QTMAN: variants seen among roughly 807,000 people sequenced by gnomAD.
The protein encoded by QTMAN is tRNA-queuosine alpha-mannosyltransferase.
chr2:144,252,242 A>T, the QTMAN span, among the ~76,000 whole-genome samples: 1 of 148,964 alleles, frequency 6.7e-6, no homozygotes, highest in East Asian at 1.9e-4. Context: ...AAGCACAATG[A>T]CACACACCTG....
chr2:144,221,695 C>G, the QTMAN span, among the ~76,000 whole-genome samples: 1 of 152,132 alleles, frequency 6.6e-6, no homozygotes, highest in African/African-American at 2.4e-5. Flanking sequence ...AACTACTTCC[C>G]AATTACTGAA....
the QTMAN span, among the ~76,000 whole-genome samples, chr2:144,147,439 A>G: frequency 1.3e-5 from 2 of 151,870 alleles, no homozygotes; most frequent in Admixed American, 1.3e-4. Context: ...AAACATGAAG[A>G]TATTTGTTTA....
chr2:144,292,831 C>T, the QTMAN span, among the ~76,000 whole-genome samples: 2 of 152,130 alleles, frequency 1.3e-5, no homozygotes, highest in East Asian at 3.9e-4. Flanking sequence ...ATAACAGGTC[C>T]TATCAATTCA....
At chr2:144,301,718 C>T in the QTMAN span, among the ~76,000 whole-genome samples, 7 of 152,292 alleles carry the variant, frequency 4.6e-5, no homozygotes, top group African/African-American at 1.7e-4. Context: ...TACCAATGCC[C>T]ACATGCTTTC....
At chr2:144,227,116 T>C in the QTMAN span, among the ~76,000 whole-genome samples, 1 of 152,194 alleles carries the variant, frequency 6.6e-6, no homozygotes, top group Non-Finnish European at 1.5e-5. Context: ...TTAATATGTC[T>C]TTAGCCATAT....
the QTMAN span, among the ~76,000 whole-genome samples, chr2:144,030,008 T>C: frequency 6.6e-6 from 1 of 152,308 alleles, no homozygotes; most frequent in East Asian, 1.9e-4. Flanking sequence ...ATGACATCTC[T>C]ATGAGGTTGA....
the QTMAN span, among the ~76,000 whole-genome samples, chr2:144,283,207 C>T: frequency 1.3e-5 from 2 of 152,216 alleles, no homozygotes; most frequent in Admixed American, 6.5e-5. Flanking sequence ...TAGCCTACTA[C>T]TTGAGATTGG....
the QTMAN span, among the ~76,000 whole-genome samples, chr2:144,292,161 G>A: frequency 7.9e-5 from 12 of 152,094 alleles, no homozygotes; most frequent in East Asian, 2.3e-3. Context: ...TACCTTCTAA[G>A]GCTGTCCACT....
At chr2:144,246,579 CAAAAA>C in the QTMAN span, among the ~76,000 whole-genome samples, 1 of 47,072 alleles carries the variant, frequency 2.1e-5, no homozygotes. Flanking sequence ...GACTCCGTCT[CAAAAA>C]AAAAAAAAAA....
chr2:144,032,461 T>C, the QTMAN span, among the ~76,000 whole-genome samples: 1 of 152,180 alleles, frequency 6.6e-6, no homozygotes, highest in Admixed American at 6.5e-5. Flanking sequence ...TTCCAAAGGA[T>C]AAAAGATTTG....
At chr2:144,235,826 T>G in the QTMAN span, 1 of 152,518 alleles carries the variant, frequency 6.6e-6, no homozygotes, top group Non-Finnish European at 1.5e-5. Context: ...CTGATTCGGA[T>G]GATCTAGTCT....
chr2:144,123,830 T>C, the QTMAN span, among the ~76,000 whole-genome samples: 2 of 152,140 alleles, frequency 1.3e-5, no homozygotes, highest in African/African-American at 4.8e-5. Flanking sequence ...GAAGATCTTT[T>C]ACACCCATTG....
the QTMAN span, among the ~76,000 whole-genome samples, chr2:144,132,043 A>T: frequency 6.6e-6 from 1 of 151,868 alleles, no homozygotes; most frequent in Non-Finnish European, 1.5e-5. Flanking sequence ...CTGAATATTC[A>T]GGTGAATATA....
chr2:144,091,942 A>G, the QTMAN span, among the ~76,000 whole-genome samples: 2 of 152,184 alleles, frequency 1.3e-5, no homozygotes, highest in African/African-American at 4.8e-5. Flanking sequence ...AGTGCATACT[A>G]TATGTTTTTG....
the QTMAN span, among the ~76,000 whole-genome samples, chr2:144,308,752 A>T: frequency 3.3e-5 from 5 of 152,182 alleles, no homozygotes; most frequent in Non-Finnish European, 4.4e-5. Flanking sequence ...CTTCATTTCA[A>T]AAAAACAACA....
chr2:143,964,771 T>C, the QTMAN span, among the ~76,000 whole-genome samples: 2 of 152,114 alleles, frequency 1.3e-5, no homozygotes, highest in African/African-American at 2.4e-5. Context: ...AACCAGAAGC[T>C]TTCCATATAC....
the QTMAN span, chr2:144,142,186 A>T: frequency 1.8e-6 from 1 of 554,580 alleles, no homozygotes; most frequent in Non-Finnish European, 3.1e-6. Context: ...TCTTCACTTC[A>T]TATCAGTATC....
At chr2:144,296,070 A>G in the QTMAN span, among the ~76,000 whole-genome samples, 3 of 152,256 alleles carry the variant, frequency 2.0e-5, no homozygotes, top group African/African-American at 7.2e-5. Flanking sequence ...AATATATTGT[A>G]TGGACATGAA....
At chr2:144,078,404 A>G in the QTMAN span, among the ~76,000 whole-genome samples, 1 of 152,244 alleles carries the variant, frequency 6.6e-6, no homozygotes, top group Non-Finnish European at 1.5e-5. Flanking sequence ...ACAAAGGGAG[A>G]GACACACACA....
Sources: gnomAD v4.1 joint callset for allele counts (sites outside exome capture counted in the v4.1 genomes callset) on GRCh38, gnomAD v4.1.1 for gene constraint, MANE v1.5 for transcripts, NCBI Gene and HGNC (gene_info 2026-07-23, HGNC 2026-07-21) for gene names.